The following TGFA variants were observed in gnomAD, a reference collection of about 807,000 sequenced individuals.
The protein encoded by TGFA is transforming growth factor alpha.
A neutral mutation model predicts 21.7 loss-of-function variants in TGFA; 12 were observed. The observed-to-expected ratio is 0.55, with a 90% CI of 0.35 to 0.90. The LOEUF (loss-of-function observed/expected upper bound fraction) is 0.90. Ranked by LOEUF, TGFA falls within the 40% of genes least tolerant of loss-of-function variation. The pLI is 0.01. For missense variants in TGFA, 178 were observed against 210.8 expected (o/e 0.84, Z 0.96); for synonymous variants, 79 against 88.1 (o/e 0.90, Z 0.58).
intron 1 of TGFA, among the ~76,000 whole-genome samples, chr2:70,515,333 T>C (rs931926460): frequency 2.0e-5 from 3 of 152,316 alleles, no homozygotes; most frequent in East Asian, 3.9e-4. Flanking sequence ...CATGTCATCA[T>C]GTTTGTTTGC....
intron 1 of TGFA, among the ~76,000 whole-genome samples, chr2:70,518,893 T>A (rs1672367592): frequency 1.3e-5 from 2 of 152,308 alleles, no homozygotes; most frequent in South Asian, 4.1e-4. Context: ...GATCAGTTGC[T>A]CCCTCTAGAA....
intron 1 of TGFA, among the ~76,000 whole-genome samples, chr2:70,532,737 G>A (rs1331674068): frequency 6.6e-6 from 1 of 152,206 alleles, no homozygotes; most frequent in East Asian, 1.9e-4. Context: ...CACTGCTAGA[G>A]CAGAACCCTC....
chr2:70,506,595 G>A (rs1671934498), intron 2 of TGFA, among the ~76,000 whole-genome samples: 1 of 152,204 alleles, frequency 6.6e-6, no homozygotes, highest in Admixed American at 6.5e-5. Flanking sequence ...CACCAGTAAT[G>A]ATAAAAAGGG....
intron 2 of TGFA, among the ~76,000 whole-genome samples, chr2:70,509,086 G>A (rs957678299): frequency 1.3e-5 from 2 of 152,326 alleles, no homozygotes; most frequent in East Asian, 1.9e-4. Flanking sequence ...AAACACAAAT[G>A]AGTGTATGTG....
chr2:70,486,605 G>T (rs1461902697), intron 2 of TGFA, among the ~76,000 whole-genome samples: 1 of 151,782 alleles, frequency 6.6e-6, no homozygotes, highest in East Asian at 1.9e-4. Flanking sequence ...GGGACTACAG[G>T]TGCGCGCTAC....
rs547544206 is a variant in TGFA at position 70,497,590 on chromosome 2, C to T, written c.94+17269G>A. Among the ~76,000 whole-genome samples the T allele has an allele frequency of 2.6e-5, 4 of 152,310 alleles. No individual in the cohort carries two copies. The South Asian group carries it at 8.3e-4, about 32-fold the overall frequency. On this transcript the variant is annotated intron_variant, in intron 2 of 5. Transcript: ENST00000295400. ...AGCATCTTCTCCTTTGGGCACATTG[C>T]ATCCCAGCCCTGCTAACTTCTGATT...
chr2:70,455,727 A>T (rs1284407331), intron 4 of TGFA, among the ~76,000 whole-genome samples: 1 of 152,198 alleles, frequency 6.6e-6, no homozygotes, highest in Non-Finnish European at 1.5e-5. Flanking sequence ...GACCCTGCAC[A>T]GCAGTCCAGT....
chr2:70,533,707 T>G (rs1160129748), intron 1 of TGFA, among the ~76,000 whole-genome samples: 3 of 152,160 alleles, frequency 2.0e-5, no homozygotes, highest in African/African-American at 7.2e-5. Context: ...TAACAAGTAG[T>G]CAACTTTTGT....
At chr2:70,461,205 G>T (rs1313496562) in intron 3 of TGFA, among the ~76,000 whole-genome samples, 4 of 152,154 alleles carry the variant, frequency 2.6e-5, no homozygotes, top group Non-Finnish European at 4.4e-5. Context: ...GCCTTTAACT[G>T]TGCTGTCCTC....
At chr2:70,487,210 A>G (rs952134008) in intron 2 of TGFA, among the ~76,000 whole-genome samples, 5 of 152,252 alleles carry the variant, frequency 3.3e-5, no homozygotes, top group African/African-American at 7.2e-5. Flanking sequence ...ACTTTGGAAT[A>G]TAAATATTGT....
Position 70,453,321 on chromosome 2 carries a change from G to A in TGFA, c.372C>T (p.Cys124=), listed in dbSNP as rs1553489987. The stretch of plus-strand genomic sequence containing the variant: ...ACCACTCACAGTGTTTTCGGACCTG[G>A]CAGCAGCTGCAAAGACACAGAGGAC... ...LIITCVLIHC[C]QVRKHCEWCR... Residue 124 remains cysteine (C), a synonymous_variant, in exon 5 of 6, where the codon TGC becomes TGT. Coordinates refer to ENST00000295400, the MANE Select transcript of TGFA (RefSeq NM_003236.4). 2.5e-6 allele frequency: 4 copies of A among 1,613,026 alleles called. No homozygotes were observed. Among genetic ancestry groups the A allele is most frequent in the African/African-American group, 1.3e-5 (1 of 74,934 alleles).
intron 2 of TGFA, among the ~76,000 whole-genome samples, chr2:70,501,891 A>G (rs1210443234): frequency 6.6e-6 from 1 of 152,240 alleles, no homozygotes; most frequent in Non-Finnish European, 1.5e-5. Flanking sequence ...ACCTGTTTGT[A>G]TTTTAAAGAA....
chr2:70,542,803 A>G (rs1432872157), intron 1 of TGFA, among the ~76,000 whole-genome samples: 1 of 152,216 alleles, frequency 6.6e-6, no homozygotes, highest in Non-Finnish European at 1.5e-5. Flanking sequence ...TTATGGGAAC[A>G]CTGTTACTTA....
intron 1 of TGFA, among the ~76,000 whole-genome samples, chr2:70,537,960 C>T (rs1454835718): frequency 6.6e-6 from 1 of 152,170 alleles, no homozygotes; most frequent in Admixed American, 6.5e-5. Context: ...TTAAAAGCTT[C>T]AAAAGACAGG....
At chr2:70,535,344 C>T (rs533470209) in intron 1 of TGFA, among the ~76,000 whole-genome samples, 67 of 152,256 alleles carry the variant, frequency 4.4e-4, no homozygotes, top group Non-Finnish European at 8.7e-4. Flanking sequence ...TTAATAACAC[C>T]AGACCCAGCA....
intron 2 of TGFA, among the ~76,000 whole-genome samples, chr2:70,477,127 A>T (rs1456917493): frequency 1.3e-5 from 2 of 152,262 alleles, no homozygotes; most frequent in Non-Finnish European, 2.9e-5. Flanking sequence ...ATTCACAGAC[A>T]GAATTGTAGT....
chr2:70,495,118 G>A (rs1444032290), intron 2 of TGFA, among the ~76,000 whole-genome samples: 8 of 152,092 alleles, frequency 5.3e-5, no homozygotes, highest in South Asian at 2.1e-4. Flanking sequence ...ATGTCATTAC[G>A]TTTTTAGATC....
chr2:70,477,604 A>G (rs1670978121), intron 2 of TGFA, among the ~76,000 whole-genome samples: 1 of 152,154 alleles, frequency 6.6e-6, no homozygotes, highest in Admixed American at 6.5e-5. Flanking sequence ...TGACCAGGAT[A>G]TATGGCCAGT....
chr2:70,504,483 TACACACACACAC>T lies in TGFA; in HGVS notation c.94+10364_94+10375del, dbSNP rs58997765. 3.0e-4 allele frequency among the ~76,000 whole-genome samples: 28 copies of T among 92,052 alleles called. 1 individual carries two copies. In the East Asian group the frequency reaches 4.8e-3, roughly 16 times the overall value. The allele number at this position is 92,052 out of a possible 152,430, so 60.4% of individuals were successfully genotyped here. A position where few individuals can be genotyped will look rare whatever the true frequency, so the allele number is the denominator to read the frequency against. Reference sequence around the variant, plus strand: ...ATATATACACACATACATACATACATACACACACACACACACACACACACACACACACACAGA... The same window carrying T: ...ATATATACACACATACATACATACATACACACACACACACACACACACAGA... On this transcript the variant is annotated intron_variant, in intron 2 of 5. Coordinates refer to ENST00000295400, the MANE Select transcript of TGFA (RefSeq NM_003236.4).
Sources: gnomAD v4.1 joint callset for allele counts (sites outside exome capture counted in the v4.1 genomes callset) on GRCh38, gnomAD v4.1.1 for gene constraint, MANE v1.5 for transcripts, NCBI Gene and HGNC (gene_info 2026-07-23, HGNC 2026-07-21) for gene names.